Variants in MALRD1 observed in about 807,000 individuals in gnomAD.
MALRD1 encodes the protein MAM and LDL-receptor class A domain-containing protein 1.
MALRD1 carries 247 observed loss-of-function variants against 242.1 expected under a neutral mutation model. The observed-to-expected ratio is 1.02, with a 90% CI of 0.92 to 1.13. The LOEUF (loss-of-function observed/expected upper bound fraction) is 1.13. Ranked by LOEUF, MALRD1 falls within the 50% of genes most tolerant of loss-of-function variation. MALRD1 has a pLI of 0.00. For synonymous variants in MALRD1, 995 were observed against 866.6 expected, an observed-to-expected ratio of 1.15 and a Z score of -2.60; for missense variants, 2,989 against 2,533.1, an observed-to-expected ratio of 1.18 and a Z score of -3.86.
At chr10:19,247,892 G>T (rs1162536900) in intron 18 of MALRD1, among the ~76,000 whole-genome samples, 1 of 151,920 alleles carries the variant, frequency 6.6e-6, no homozygotes, top group African/African-American at 2.4e-5. Context: ...TTCACGAATT[G>T]GGCAGCACTC....
At chr10:19,258,718 T>C (rs1469148146) in intron 19 of MALRD1, among the ~76,000 whole-genome samples, 3 of 152,120 alleles carry the variant, frequency 2.0e-5, no homozygotes, top group Non-Finnish European at 2.9e-5. Context: ...GTGTTACCAC[T>C]GTGTGTCATG....
chr10:19,230,997 A>C (rs1478198972), intron 18 of MALRD1, among the ~76,000 whole-genome samples: 8 of 152,096 alleles, frequency 5.3e-5, no homozygotes, highest in Admixed American at 5.2e-4. Flanking sequence ...TGTGACCCAA[A>C]TCCTCCCTCA....
In MALRD1 at chr10:19,531,231, C is replaced by T; in HGVS notation, c.5358C>T (p.Gly1786=). The T allele has an allele frequency of 6.5e-7, 1 of 1,550,368 alleles. No homozygotes were observed. The highest frequency in any genetic ancestry group is 8.7e-7 in the Non-Finnish European group (1 of 1,146,840). ...ACTTCCTGTACGTCAACTCATCTGG[C>T]TCCAAGGAAGGATCCGTTGCCAGAA... ...GQHFLYVNSS[G]SKEGSVARIT... Residue 1786 remains glycine, a synonymous_variant, in exon 32 of 40, where the codon GGC becomes GGT. Coordinates refer to ENST00000454679, the MANE Select transcript of MALRD1 (RefSeq NM_001142308.3).
intron 28 of MALRD1, among the ~76,000 whole-genome samples, chr10:19,445,849 G>A (rs1039191316): frequency 6.6e-6 from 1 of 152,206 alleles, no homozygotes; most frequent in Non-Finnish European, 1.5e-5. Flanking sequence ...GTTTAAGTCT[G>A]CAAAAGTTTC....
intron 36 of MALRD1, among the ~76,000 whole-genome samples, chr10:19,640,792 T>C (rs1355306175): frequency 6.6e-6 from 1 of 152,218 alleles, no homozygotes; most frequent in Non-Finnish European, 1.5e-5. Context: ...ATAACTGTAT[T>C]TGTGGTATTA....
chr10:19,324,269 A>G (rs1480648123), intron 22 of MALRD1, among the ~76,000 whole-genome samples, 164 bp downstream of exon 22: 1 of 152,194 alleles, frequency 6.6e-6, no homozygotes, highest in East Asian at 1.9e-4. Context: ...GCAGAATTGG[A>G]CATGAATAGC....
chr10:19,405,239 A>C (rs1847040759), intron 28 of MALRD1, among the ~76,000 whole-genome samples: 1 of 152,210 alleles, frequency 6.6e-6, no homozygotes, highest in African/African-American at 2.4e-5. Context: ...AAGGAGAAAT[A>C]TGAACAAAAT....
chr10:19,724,093 C>T (rs1341245559), intron 38 of MALRD1, among the ~76,000 whole-genome samples: 1 of 152,064 alleles, frequency 6.6e-6, no homozygotes, highest in Admixed American at 6.6e-5. Flanking sequence ...AGCTTTTGAG[C>T]TCATTTTTCT....
Position 19,453,895 on chromosome 10 carries a change from A to G in MALRD1, c.5029+3405A>G, listed in dbSNP as rs116471743. Among the ~76,000 whole-genome samples the G allele has an allele frequency of 4.2e-3, 645 of 152,106 alleles. 5 individuals carry two copies. Among genetic ancestry groups the G allele is most frequent in the African/African-American group, 0.015 (604 of 41,504 alleles). On this transcript the variant is annotated intron_variant, in intron 29 of 39. Transcript: ENST00000454679. ...CCGTCTGAAAAAAAAAAAAATTGAA[A>G]ATTAAAACATAAGCCAAGCATTGTG...
chr10:19,406,776 C>G (rs1037674511), intron 28 of MALRD1, among the ~76,000 whole-genome samples: 4 of 152,084 alleles, frequency 2.6e-5, no homozygotes, highest in African/African-American at 7.2e-5. Context: ...AATAATGACC[C>G]TATCTCACAG....
At chr10:19,284,204 G>T (rs1219193511) in intron 21 of MALRD1, among the ~76,000 whole-genome samples, 2 of 151,368 alleles carry the variant, frequency 1.3e-5, no homozygotes, top group African/African-American at 4.9e-5. Context: ...TGAAATGCAT[G>T]AATATTTTCT....
intron 26 of MALRD1, among the ~76,000 whole-genome samples, chr10:19,359,585 G>A (rs1356858629): frequency 6.6e-6 from 1 of 151,942 alleles, no homozygotes; most frequent in Non-Finnish European, 1.5e-5. Flanking sequence ...TCTTTCCTGT[G>A]TAGTCATGTT....
At chr10:19,617,086 T>C (rs1350523167) in intron 36 of MALRD1, among the ~76,000 whole-genome samples, 1 of 152,038 alleles carries the variant, frequency 6.6e-6, no homozygotes, top group African/African-American at 2.4e-5. Context: ...TATTATTTAA[T>C]GTCAACTGCT....
At chr10:19,341,226 A>G (rs1843835082) in intron 24 of MALRD1, among the ~76,000 whole-genome samples, 1 of 151,860 alleles carries the variant, frequency 6.6e-6, no homozygotes, top group Admixed American at 6.6e-5. Flanking sequence ...GTATTTGCCT[A>G]CTAATATAAC....
chr10:19,712,046 A>G lies in MALRD1; in HGVS notation c.6315-18660A>G, dbSNP rs1834146121. Among the ~76,000 whole-genome samples, 3 of 152,146 alleles carry G rather than the reference A, an allele frequency of 2.0e-5. No individual in the cohort carries two copies. The South Asian group carries it at 6.2e-4, about 31-fold the overall frequency. ...GTCTGATGAGTTTCAGGTCCTTGAT[A>G]CTATCTTGGAGGCCTGATGGTTGGT... is the stretch of plus-strand genomic sequence containing the variant. On this transcript the variant is annotated intron_variant, in intron 38 of 39. Coordinates refer to ENST00000454679, the MANE Select transcript of MALRD1 (RefSeq NM_001142308.3).
chr10:19,290,180 T>G (rs992567028), intron 21 of MALRD1: 13 of 152,174 alleles, frequency 8.5e-5, no homozygotes, highest in Non-Finnish European at 1.8e-4. Flanking sequence ...CATCCACAAT[T>G]TAATGGACTA....
chr10:19,527,801 A>G (rs1310061152), intron 31 of MALRD1, among the ~76,000 whole-genome samples: 8 of 152,212 alleles, frequency 5.3e-5, no homozygotes, highest in African/African-American at 1.4e-4. Context: ...GGATTATACC[A>G]TATTTTTCTT....
At chr10:19,151,182 AT>A (rs937257388) in intron 11 of MALRD1, among the ~76,000 whole-genome samples, 6 of 151,960 alleles carry the variant, frequency 3.9e-5, no homozygotes, top group African/African-American at 1.4e-4. Flanking sequence ...ACTGAAAAAT[AT>A]TTTTTTCAAG....
At chr10:19,406,503 C>A (rs1479768548) in intron 28 of MALRD1, among the ~76,000 whole-genome samples, 2 of 152,088 alleles carry the variant, frequency 1.3e-5, no homozygotes, top group African/African-American at 4.8e-5. Flanking sequence ...GAGATCCCGT[C>A]AGGTGTTAAG....
Sources: allele counts gnomAD v4.1 joint callset (sites outside exome capture counted in the v4.1 genomes callset), GRCh38; gene constraint gnomAD v4.1.1; transcripts MANE v1.5; gene names NCBI Gene and HGNC (gene_info 2026-07-23, HGNC 2026-07-21).